Variants in NTM observed in about 807,000 individuals in gnomAD.
NTM encodes neurotrimin, also known as IgLON family member 2.
In NTM, 13 loss-of-function variants were observed where a neutral mutation model predicts 42.1. The ratio of observed to expected loss-of-function variants is 0.31; its 90% CI spans 0.20 to 0.49. NTM has a LOEUF of 0.49. Among genes scored for constraint, NTM ranks in the 20% least tolerant of loss-of-function variants. The pLI is 0.99. For synonymous variants in NTM, 187 were observed against 179.2 expected (o/e 1.04, Z -0.35); for missense variants, 373 against 452.8 (o/e 0.82, Z 1.60).
At chr11:131,852,206 G>C (rs1040274430) in intron 1 of NTM, among the ~76,000 whole-genome samples, 1 of 152,150 alleles carries the variant, frequency 6.6e-6, no homozygotes, top group African/African-American at 2.4e-5. Flanking sequence ...GAAGCCTCCA[G>C]CCTTGGGAAC....
At chr11:132,089,805 A>G (rs1594563122) in intron 2 of NTM, among the ~76,000 whole-genome samples, 1 of 152,308 alleles carries the variant, frequency 6.6e-6, no homozygotes, top group East Asian at 1.9e-4. Context: ...TTGCTCTGTT[A>G]AAGGCTTTTT....
chr11:132,067,619 G>T (rs560539580), intron 2 of NTM, among the ~76,000 whole-genome samples: 50 of 152,322 alleles, frequency 3.3e-4, no homozygotes, highest in African/African-American at 1.2e-3. Context: ...ATGGAAGGAA[G>T]AAAAGGTTAC....
intron 2 of NTM, among the ~76,000 whole-genome samples, chr11:132,069,686 A>T (rs1471049631): frequency 6.7e-6 from 1 of 149,986 alleles, no homozygotes; most frequent in Non-Finnish European, 1.5e-5. Context: ...ATCACAGGTT[A>T]GTTAACACGT....
At chr11:131,784,327 C>T (rs956695724) in intron 1 of NTM, among the ~76,000 whole-genome samples, 3 of 151,926 alleles carry the variant, frequency 2.0e-5, no homozygotes, top group Non-Finnish European at 2.9e-5. Flanking sequence ...TTTATGATAG[C>T]CAAAACTAAT....
intron 1 of NTM, among the ~76,000 whole-genome samples, chr11:131,910,441 GGCGGGGGTTAAGGTGGGCGCCC>G (rs1291389571): frequency 1.3e-5 from 2 of 151,452 alleles, no homozygotes; most frequent in Non-Finnish European, 2.9e-5. Flanking sequence ...GGCCCGGCGC[GGCGGGGGTTAAGGTGGGCGCCC>G]GCGCCCCGCG....
intron 1 of NTM, among the ~76,000 whole-genome samples, chr11:131,433,972 G>T (rs552774472): frequency 1.3e-5 from 2 of 152,052 alleles, no homozygotes; most frequent in African/African-American, 4.8e-5. Context: ...AATAGGCACC[G>T]GGGTGGTAGG....
At chr11:132,114,047 A>G (rs1358268870) in intron 2 of NTM, among the ~76,000 whole-genome samples, 1 of 152,124 alleles carries the variant, frequency 6.6e-6, no homozygotes, top group East Asian at 1.9e-4. Context: ...AACTTATTTC[A>G]TCATCAACAA....
chr11:131,834,279 A>G (rs1341008960), intron 1 of NTM, among the ~76,000 whole-genome samples: 3 of 151,996 alleles, frequency 2.0e-5, no homozygotes, highest in Non-Finnish European at 2.9e-5. Flanking sequence ...TTCTCACTCT[A>G]TATTTTCCCA....
intron 1 of NTM, among the ~76,000 whole-genome samples, chr11:131,667,774 A>G (rs1433880350): frequency 6.6e-6 from 1 of 152,142 alleles, no homozygotes; most frequent in African/African-American, 2.4e-5. Context: ...TTTTAAACCC[A>G]TGGACGCCCT....
intron 2 of NTM, among the ~76,000 whole-genome samples, chr11:132,064,616 G>A (rs2136068057): frequency 6.6e-6 from 1 of 152,284 alleles, no homozygotes; most frequent in Middle Eastern, 3.4e-3. Flanking sequence ...GATTTCGGAT[G>A]ATTTAAAATG....
Position 132,317,668 on chromosome 11 carries a change from T to C in NTM, c.934+2965T>C, listed in dbSNP as rs1043738471. 3.8e-6 allele frequency: 5 copies of C among 1,303,972 alleles called. No individual in the cohort carries two copies. The East Asian group carries it at 2.8e-4, about 72-fold the overall frequency. 80.8% of individuals were successfully genotyped at this position (1,303,972 alleles called of 1,614,324 possible). ...CAACCGATTTAGAACTAAATGAGCC[T>C]ACGAGCTCAACTTTGTTGCAAGGTC... On this transcript the variant is annotated intron_variant, in intron 7 of 8. Transcript: ENST00000683400.
At chr11:131,818,187 T>C (rs2093030455) in intron 1 of NTM, among the ~76,000 whole-genome samples, 1 of 152,162 alleles carries the variant, frequency 6.6e-6, no homozygotes, top group Non-Finnish European at 1.5e-5. Flanking sequence ...TTCCAGGGAA[T>C]TAATTTAAAA....
chr11:131,878,557 G>A (rs1429141649), intron 1 of NTM, among the ~76,000 whole-genome samples: 2 of 104,860 alleles, frequency 1.9e-5, no homozygotes, highest in African/African-American at 8.0e-5. Flanking sequence ...GTGACAGAGG[G>A]AGACTCCATC....
At chr11:132,104,933 A>ATATGTG (rs1555263238) in intron 2 of NTM, among the ~76,000 whole-genome samples, 3 of 14,640 alleles carry the variant, frequency 2.0e-4, no homozygotes, top group South Asian at 2.7e-3. Flanking sequence ...CCATATATAC[A>ATATGTG]TATGTATATA....
At chr11:131,634,825 A>G (rs1443747789) in intron 1 of NTM, among the ~76,000 whole-genome samples, 1 of 152,196 alleles carries the variant, frequency 6.6e-6, no homozygotes, top group Non-Finnish European at 1.5e-5. Flanking sequence ...CATACTTGTA[A>G]ATATTACAAA....
chr11:131,444,507 G>C (rs1949888476), intron 1 of NTM, among the ~76,000 whole-genome samples: 1 of 152,190 alleles, frequency 6.6e-6, no homozygotes. Flanking sequence ...GTTGGGGCTT[G>C]AGAAATAGAA....
chr11:132,055,765 G>C (rs540592386), intron 2 of NTM, among the ~76,000 whole-genome samples: 2 of 152,144 alleles, frequency 1.3e-5, no homozygotes. Context: ...AGGAGGATGT[G>C]GGTTTGAATC....
At chr11:132,162,458 C>T (rs2074498420) in intron 3 of NTM, among the ~76,000 whole-genome samples, 1 of 113,094 alleles carries the variant, frequency 8.8e-6, no homozygotes, top group African/African-American at 3.6e-5. Context: ...TGTGTGAGTG[C>T]TTGTGTATGT....
intron 1 of NTM, among the ~76,000 whole-genome samples, chr11:131,447,421 G>A (rs575266818): frequency 2.0e-4 from 30 of 152,222 alleles, no homozygotes; most frequent in East Asian, 1.4e-3. Context: ...CAGAGGCTCC[G>A]AAATCCCTGC....
Sources: allele counts gnomAD v4.1 joint callset (sites outside exome capture counted in the v4.1 genomes callset), GRCh38; gene constraint gnomAD v4.1.1; transcripts MANE v1.5; gene names NCBI Gene and HGNC (gene_info 2026-07-23, HGNC 2026-07-21).